Variants in UBN1 observed in about 807,000 individuals in gnomAD.
UBN1 encodes the protein ubinuclein-1.
Under a neutral mutation model 108.5 loss-of-function variants are expected in UBN1, and 17 were observed. That is an observed-to-expected ratio of 0.16 (90% CI 0.11 to 0.24). The LOEUF (loss-of-function observed/expected upper bound fraction) is 0.24. UBN1 is among the 10% of genes least tolerant of loss of function. UBN1 has a pLI of 1.00. For missense variants in UBN1, 1,595 were observed against 1,394.4 expected (o/e 1.14, Z -2.29); for synonymous variants, 726 against 564.2 (o/e 1.29, Z -4.07).
rs755861442 is a variant in UBN1, at chr16:4,858,042, T to C, written c.302T>C (p.Val101Ala). 3 of 1,613,572 alleles carry C rather than the reference T, an allele frequency of 1.9e-6. No homozygotes were observed. The East Asian group carries it at 6.7e-5, about 36-fold the overall frequency. Reference protein sequence around the residue: ...FNDEEKERHKVEALARKFEEK... With the variant: ...FNDEEKERHKAEALARKFEEK... ...GACGAAGAAAAGGAAAGGCATAAAG[T>C]AGAGGCCCTTGCCCGAAAATTTGAA... The change falls in exon 3 of 18, where the codon GTA becomes GCA. Residue 101 changes from valine to alanine, a missense_variant. Transcript: ENST00000262376.
At chr16:4,848,646 G>A (rs1481571684) in intron 1 of UBN1, among the ~76,000 whole-genome samples, 1 of 152,230 alleles carries the variant, frequency 6.6e-6, no homozygotes, top group Non-Finnish European at 1.5e-5. Context: ...AGAATTAGCT[G>A]CACGGACTGT....
chr16:4,861,250 A>G, intron 7 of UBN1, 148 bp downstream of exon 7: 1 of 930,406 alleles, frequency 1.1e-6, no homozygotes, highest in Non-Finnish European at 1.6e-6. Flanking sequence ...TCTCATCCTG[A>G]GGGAGAAAAC....
intron 2 of UBN1, among the ~76,000 whole-genome samples, chr16:4,855,725 C>T (rs2086778290): frequency 6.6e-6 from 1 of 151,988 alleles, no homozygotes; most frequent in South Asian, 2.1e-4. Flanking sequence ...TTGATACCAG[C>T]CTGATCAACA....
Position 4,858,569 on chromosome 16 carries a change from G to A in UBN1, c.338G>A (p.Gly113Asp), listed in dbSNP as rs144653624. The change falls in exon 4 of 18, where the codon GGT becomes GAT. Residue 113 changes from glycine to aspartate, a missense_variant and splice_region_variant. By Grantham distance (94) the Gly-to-Asp change is moderately conservative. Coordinates refer to ENST00000262376, the MANE Select transcript of UBN1 (RefSeq NM_001079514.3). ...TAATCTATTGCTTTCACATTTTAGG[G>A]TGGAAAGAAACGTAGAAAAGACCGA... ...ALARKFEEKY[G>D]GKKRRKDRIQ... The A allele has an allele frequency of 6.8e-5, 109 of 1,613,856 alleles. No homozygotes were observed. The highest frequency in any genetic ancestry group is 7.3e-5 in the Non-Finnish European group (86 of 1,179,894).
chr16:4,861,297 T>C (rs1372105568), intron 7 of UBN1, among the ~76,000 whole-genome samples, 195 bp downstream of exon 7: 3 of 152,258 alleles, frequency 2.0e-5, no homozygotes, highest in South Asian at 2.1e-4. Context: ...ATTTTAGGCC[T>C]TTCTTGGTTT....
rs35865064 is a variant in UBN1, at chr16:4,871,576, C to CTTTT, written c.1706+300_1706+303dup. Among the ~76,000 whole-genome samples, 8 of 88,424 alleles carry CTTTT rather than the reference C, an allele frequency of 9.0e-5. 1 individual carries two copies. Among genetic ancestry groups the CTTTT allele is most frequent in the African/African-American group, 2.0e-4 (4 of 20,056 alleles). 58.0% of individuals were successfully genotyped at this position (88,424 alleles called of 152,430 possible). A position where few individuals can be genotyped will look rare whatever the true frequency, so the allele number is the denominator to read the frequency against. ...GCCTCCCATCTCAATATGCACTTTCCTTTTTTTTTTTTTTTTTTTTTTTTT... is the reference window on the plus strand; with the variant it reads ...GCCTCCCATCTCAATATGCACTTTCCTTTTTTTTTTTTTTTTTTTTTTTTTTTTT... On this transcript the variant is annotated intron_variant, in intron 12 of 17. Coordinates refer to ENST00000262376, the MANE Select transcript of UBN1 (RefSeq NM_001079514.3).
chr16:4,874,288 T>C lies in UBN1; in HGVS notation c.1878T>C (p.Asp626=), dbSNP rs1467715769. The C allele has an allele frequency of 6.2e-7, 1 of 1,613,878 alleles. No individual in the cohort carries two copies. Among genetic ancestry groups the C allele is most frequent in the Non-Finnish European group, 8.5e-7 (1 of 1,179,904 alleles). Residue 626 remains aspartate (D), a synonymous_variant, in exon 15 of 18, where the codon GAT becomes GAC. Transcript: ENST00000262376. ...GTGGCCCCATTGCTTTGCCCTCAGATCACCAAACAGGAGGCCTGAGTATTG... is the reference window on the plus strand; with the variant it reads ...GTGGCCCCATTGCTTTGCCCTCAGACCACCAAACAGGAGGCCTGAGTATTG... The part of the protein sequence containing the change: ...QIGGPIALPS[D]HQTGGLSIGA...
intron 13 of UBN1, 38 bp from the exon 14 acceptor site, chr16:4,872,993 T>G: frequency 6.2e-7 from 1 of 1,614,208 alleles, no homozygotes; most frequent in Non-Finnish European, 8.5e-7. Flanking sequence ...CTCCTCTGGA[T>G]ATTCTCTAAA....
At position 4,871,114 on chromosome 16, in the gene UBN1, C is replaced by G. The variant is rs367783587; in HGVS notation, c.1560-41C>G. ...CATGATTGGAACCTTGGAGCAGCAT[C>G]TGAAGTAGTTTGGAGTTTCTGATTT... On this transcript the variant is annotated intron_variant, in intron 11 of 17. Transcript: ENST00000262376. 5.6e-6 allele frequency: 9 copies of G among 1,611,762 alleles called. No individual in the cohort carries two copies. In the East Asian group the frequency reaches 1.8e-4, roughly 32 times the overall value.
At chr16:4,878,411 C>G (rs188139949) in intron 17 of UBN1, among the ~76,000 whole-genome samples, 1 of 152,168 alleles carries the variant, frequency 6.6e-6, no homozygotes, top group African/African-American at 2.4e-5. Context: ...CTGTGCTGCA[C>G]GTCTCCCAAG....
intron 14 of UBN1, 114 bp downstream of exon 14, chr16:4,873,187 C>T (rs1381535812): frequency 2.8e-6 from 4 of 1,436,832 alleles, no homozygotes; most frequent in African/African-American, 1.4e-5. Flanking sequence ...CTGGGGACAG[C>T]TGCTCAGGAT....
chr16:4,877,935 A>C lies in UBN1; in HGVS notation c.3355+461A>C. 3.9e-6 allele frequency: 3 copies of C among 761,892 alleles called. No homozygotes were observed. Among genetic ancestry groups the C allele is most frequent in the Non-Finnish European group, 4.8e-6 (3 of 625,908 alleles). 47.2% of individuals were successfully genotyped at this position (761,892 alleles called of 1,614,324 possible). A position where few individuals can be genotyped will look rare whatever the true frequency, so the allele number is the denominator to read the frequency against. On this transcript the variant is annotated intron_variant, in intron 17 of 17. Coordinates refer to ENST00000262376, the MANE Select transcript of UBN1 (RefSeq NM_001079514.3). The surrounding 1 kb of genome is among the most constrained non-coding windows in gnomAD (Gnocchi z 4.3). The stretch of plus-strand genomic sequence containing the variant: ...AGGCTCTCTAAACTTTGTTTCCATT[A>C]AAGGGAAAATCCAGGTAGCAGCCAG...
Position 4,877,442 on chromosome 16 carries a change from C to T in UBN1, c.3323C>T (p.Ala1108Val), listed in dbSNP as rs760518377. 3.7e-5 allele frequency: 60 copies of T among 1,611,792 alleles called. No homozygotes were observed. Among genetic ancestry groups the T allele is most frequent in the East Asian group, 6.7e-5 (3 of 44,836 alleles). ...PPHAAPLPHA[A>V]VPTHIPQSLP... ...CATGCAGCGCCTCTCCCACACGCTG[C>T]GGTGCCCACCCATATCCCGCAGAGT... Residue 1108 changes from alanine to valine, a missense_variant, in exon 17 of 18, where the codon GCG becomes GTG. Coordinates refer to ENST00000262376, the MANE Select transcript of UBN1 (RefSeq NM_001079514.3). This position sits in a 1 kb window ranked among gnomAD's most constrained non-coding sequence, Gnocchi z 4.3.
At chr16:4,875,962 C>CTTT (rs35899089) in intron 15 of UBN1, among the ~76,000 whole-genome samples, 1 of 141,212 alleles carries the variant, frequency 7.1e-6, no homozygotes, top group Admixed American at 7.1e-5. Flanking sequence ...TTCTTTTTTT[C>CTTT]TTTTTTTTTT....
intron 1 of UBN1, among the ~76,000 whole-genome samples, chr16:4,849,569 T>G (rs934517377): frequency 4.6e-5 from 7 of 151,410 alleles, no homozygotes; most frequent in African/African-American, 1.7e-4. Flanking sequence ...CCAACTGAGG[T>G]TTTTAAAGGG....
At position 4,858,225 on chromosome 16, in the gene UBN1, C is replaced by T. The variant is rs185241445; in HGVS notation, c.336+149C>T. The T allele has an allele frequency of 5.0e-4, 346 of 689,252 alleles. 1 individual carries two copies. The highest frequency in any genetic ancestry group is 2.2e-3 in the Middle Eastern group (9 of 4,184). 42.7% of individuals were successfully genotyped at this position (689,252 alleles called of 1,614,324 possible). A position where few individuals can be genotyped will look rare whatever the true frequency, so the allele number is the denominator to read the frequency against. ...GAAGAGAAGCAGTTATTAAACCTAA[C>T]GCATTAAGGTACAGAAAAGGGGCAT... On this transcript the variant is annotated intron_variant, in intron 3 of 17. Transcript: ENST00000262376.
chr16:4,859,063 TG>T lies in UBN1; in HGVS notation c.473del (p.Gly158GlufsTer36). The T allele has an allele frequency of 6.2e-7, 1 of 1,614,202 alleles. No homozygotes were observed. The highest frequency in any genetic ancestry group is 8.5e-7 in the Non-Finnish European group (1 of 1,180,036). On this transcript the variant is annotated frameshift_variant, in exon 5 of 18. Transcript: ENST00000262376. LOFTEE classifies it high-confidence loss of function. ...TTCCTGCTTCTTTGACTACGAAGTA[TG>T]GAGGATTTTACATTAACTCGGGAAC... ...LVPASLTTKY[G>X]GFYINSGTLQ...
Position 4,870,872 on chromosome 16 carries a change from C to T in UBN1, c.1459C>T (p.Gln487Ter), listed in dbSNP as rs2087597943. The T allele has an allele frequency of 6.2e-7, 1 of 1,613,780 alleles. No individual in the cohort carries two copies. Among genetic ancestry groups the T allele is most frequent in the African/African-American group, 1.3e-5 (1 of 74,866 alleles). ...KMLEEEKDKE[Q>*]RDRICSDEEE... ...GCTGGAAGAGGAGAAAGACAAGGAG[C>T]AGAGGGACCGGATTTGTTCGGATGA... Residue 487 changes from glutamine (Q) to a stop codon, truncating the protein, a stop_gained, in exon 11 of 18, where the codon CAG becomes TAG. Transcript: ENST00000262376. LOFTEE classifies it high-confidence loss of function.
At chr16:4,856,861 A>G (rs1355799464) in intron 2 of UBN1, among the ~76,000 whole-genome samples, 1 of 152,256 alleles carries the variant, frequency 6.6e-6, no homozygotes, top group Non-Finnish European at 1.5e-5. Flanking sequence ...TGTATGCTCT[A>G]TAATATCCCA....
Sources: allele counts gnomAD v4.1 joint callset (sites outside exome capture counted in the v4.1 genomes callset), GRCh38; gene constraint gnomAD v4.1.1; non-coding constraint Gnocchi (gnomAD v3.1); transcripts MANE v1.5; gene names NCBI Gene and HGNC (gene_info 2026-07-23, HGNC 2026-07-21).